The following ADGRL2 variants were observed in gnomAD, a reference collection of about 807,000 sequenced individuals.
ADGRL2 encodes the protein adhesion G protein-coupled receptor L2, also known as calcium-independent alpha-latrotoxin receptor 2.
ADGRL2 carries 44 observed loss-of-function variants against 157.4 expected under a neutral mutation model. The ratio of observed to expected loss-of-function variants is 0.28; its 90% CI spans 0.22 to 0.36. ADGRL2 has a LOEUF of 0.36. ADGRL2 is among the 10% of genes least tolerant of loss of function. ADGRL2 has a pLI of 1.00. For missense variants in ADGRL2, 1,510 were observed against 1,768.9 expected, an observed-to-expected ratio of 0.85 and a Z score of 2.63; for synonymous variants, 585 against 624.7, an observed-to-expected ratio of 0.94 and a Z score of 0.95.
At chr1:81,315,299 C>T (rs998677942) in intron 1 of ADGRL2, among the ~76,000 whole-genome samples, 4 of 151,928 alleles carry the variant, frequency 2.6e-5, no homozygotes, top group African/African-American at 9.7e-5. Flanking sequence ...AACAAATTAA[C>T]CTCAGTATAA....
intron 2 of ADGRL2, among the ~76,000 whole-genome samples, chr1:81,485,618 C>G (rs1295724482): frequency 6.6e-6 from 1 of 152,182 alleles, no homozygotes; most frequent in Middle Eastern, 3.4e-3. Flanking sequence ...ACCTAAGTCT[C>G]CGTAGTGAAA....
chr1:81,614,123 C>T (rs2081596658), intron 3 of ADGRL2, among the ~76,000 whole-genome samples: 1 of 152,176 alleles, frequency 6.6e-6, no homozygotes, highest in Non-Finnish European at 1.5e-5. Flanking sequence ...CTCTAAACTC[C>T]TTGAAATTTC....
chr1:81,454,876 G>A (rs566065832), intron 2 of ADGRL2, among the ~76,000 whole-genome samples: 3 of 152,156 alleles, frequency 2.0e-5, no homozygotes, highest in East Asian at 1.9e-4. Context: ...AGCCTGTGCC[G>A]TTCTGTGGTT....
intron 1 of ADGRL2, among the ~76,000 whole-genome samples, chr1:81,706,052 A>G (rs993793614): frequency 3.9e-5 from 6 of 152,212 alleles, no homozygotes; most frequent in Admixed American, 1.3e-4. Flanking sequence ...TACAAAAATT[A>G]GCTGGGCGTG....
intron 1 of ADGRL2, chr1:81,722,302 G>T (rs76208141): frequency 0.085 from 47,468 of 557,468 alleles, 2,448 homozygotes; most frequent in African/African-American, 0.14. Context: ...AAAAAAAAAA[G>T]AAAATGCAGA....
At chr1:81,374,578 G>GAAAAAAAAAAAAAAAAAA (rs71242588) in intron 1 of ADGRL2, among the ~76,000 whole-genome samples, 10 of 130,266 alleles carry the variant, frequency 7.7e-5, no homozygotes, top group Admixed American at 1.6e-4. Flanking sequence ...TCTCAAAAAA[G>GAAAAAAAAAAAAAAAAAA]AAAAAAAAAA....
At chr1:81,368,920 C>T (rs1227299278) in intron 1 of ADGRL2, among the ~76,000 whole-genome samples, 1 of 152,178 alleles carries the variant, frequency 6.6e-6, no homozygotes, top group Non-Finnish European at 1.5e-5. Flanking sequence ...CTTATAAAAT[C>T]TCCTCTATAA....
At chr1:81,928,887 C>T (rs1330070150) in intron 3 of ADGRL2, among the ~76,000 whole-genome samples, 1 of 150,784 alleles carries the variant, frequency 6.6e-6, no homozygotes, top group Non-Finnish European at 1.5e-5. Flanking sequence ...CTGAGACAGA[C>T]AGAAAGTAAC....
At chr1:81,743,496 G>C (rs2085144071) in intron 1 of ADGRL2, among the ~76,000 whole-genome samples, 2 of 150,164 alleles carry the variant, frequency 1.3e-5, no homozygotes, top group Admixed American at 6.7e-5. Flanking sequence ...AGAGAGGAAA[G>C]AGAGGAAAAG....
chr1:81,378,379 T>C (rs556701349), intron 1 of ADGRL2, among the ~76,000 whole-genome samples: 1 of 151,602 alleles, frequency 6.6e-6, no homozygotes, highest in African/African-American at 2.4e-5. Flanking sequence ...AACTAGACCG[T>C]ATCTCTACAA....
chr1:81,396,854 A>G (rs1045734895), intron 1 of ADGRL2, among the ~76,000 whole-genome samples: 9 of 152,100 alleles, frequency 5.9e-5, no homozygotes, highest in Non-Finnish European at 1.5e-5. Flanking sequence ...TAGCTTTTTC[A>G]TGTGCTGCTG....
At chr1:81,710,765 T>A (rs1197556253) in intron 1 of ADGRL2, among the ~76,000 whole-genome samples, 1 of 150,358 alleles carries the variant, frequency 6.7e-6, no homozygotes, top group African/African-American at 2.5e-5. Context: ...GCACAGATAC[T>A]AGATGCAAAA....
At chr1:81,343,087 C>CTT (rs764039251) in intron 1 of ADGRL2, among the ~76,000 whole-genome samples, 4,704 of 127,116 alleles carry the variant, frequency 0.037, 307 homozygotes, top group African/African-American at 0.074. Flanking sequence ...TTTCTTTTTT[C>CTT]TTTTCTTTTT....
At chr1:81,464,118 T>C (rs1463919580) in intron 2 of ADGRL2, among the ~76,000 whole-genome samples, 2 of 152,168 alleles carry the variant, frequency 1.3e-5, no homozygotes, top group African/African-American at 4.8e-5. Flanking sequence ...TAAAGTGTTA[T>C]CGTCTCAAGT....
intron 2 of ADGRL2, among the ~76,000 whole-genome samples, chr1:81,896,525 T>C (rs1317423144): frequency 1.3e-5 from 2 of 152,104 alleles, no homozygotes; most frequent in Non-Finnish European, 2.9e-5. Flanking sequence ...TGAAAAAACA[T>C]TTTCTGATGA....
chr1:81,942,596 G>A (rs1364094756), intron 5 of ADGRL2, among the ~76,000 whole-genome samples: 1 of 151,832 alleles, frequency 6.6e-6, no homozygotes, highest in Non-Finnish European at 1.5e-5. Flanking sequence ...GAAGTAGGGG[G>A]TTGAAAGGTA....
chr1:81,525,293 A>G (rs1232184290), intron 2 of ADGRL2, among the ~76,000 whole-genome samples: 1 of 152,036 alleles, frequency 6.6e-6, no homozygotes, highest in African/African-American at 2.4e-5. Flanking sequence ...CACGTGTAGT[A>G]AAAATGTCAA....
chr1:81,764,164 C>T (rs956557491), intron 2 of ADGRL2, among the ~76,000 whole-genome samples: 63 of 128,440 alleles, frequency 4.9e-4, no homozygotes, highest in Middle Eastern at 0.011. Flanking sequence ...TGCACTCCAG[C>T]TTGGGTGACA....
At chr1:81,842,879 G>A (rs974815558) in intron 2 of ADGRL2, among the ~76,000 whole-genome samples, 34 of 152,008 alleles carry the variant, frequency 2.2e-4, no homozygotes, top group Non-Finnish European at 4.0e-4. Flanking sequence ...TTACTGTGGG[G>A]ATTTCAGATT....
Sources: gnomAD v4.1 joint callset for allele counts (sites outside exome capture counted in the v4.1 genomes callset) on GRCh38, gnomAD v4.1.1 for gene constraint, MANE v1.5 for transcripts, NCBI Gene and HGNC (gene_info 2026-07-23, HGNC 2026-07-21) for gene names.